GPC5: variants seen among roughly 807,000 people sequenced by gnomAD.
The protein encoded by GPC5 is glypican-5.
In GPC5, 47 loss-of-function variants were observed where a neutral mutation model predicts 53.9. The observed-to-expected ratio is 0.87, with a 90% CI of 0.69 to 1.11. The LOEUF (loss-of-function observed/expected upper bound fraction) is 1.11. Among genes scored for constraint, GPC5 ranks in the 50% most tolerant of loss-of-function variants. GPC5 has a pLI of 0.00. For synonymous variants in GPC5, 286 were observed against 263.3 expected, an observed-to-expected ratio of 1.09 and a Z score of -0.84; for missense variants, 748 against 713.1, an observed-to-expected ratio of 1.05 and a Z score of -0.56.
chr13:92,649,691 A>C (rs1885892144), intron 7 of GPC5, among the ~76,000 whole-genome samples: 1 of 152,138 alleles, frequency 6.6e-6, no homozygotes, highest in Admixed American at 6.6e-5. Context: ...CTGGCCAAGC[A>C]ACCACCTGCC....
At chr13:92,290,706 T>C (rs1187395944) in intron 7 of GPC5, among the ~76,000 whole-genome samples, 2 of 152,182 alleles carry the variant, frequency 1.3e-5, no homozygotes, top group Non-Finnish European at 2.9e-5. Context: ...CATATATACA[T>C]GAGAGGTGAC....
chr13:92,237,407 A>G (rs994011476), intron 7 of GPC5, among the ~76,000 whole-genome samples: 3 of 152,122 alleles, frequency 2.0e-5, no homozygotes. Context: ...TTTAGTAAGG[A>G]TGGGGTTTCA....
chr13:92,152,497 T>A (rs750095203), intron 7 of GPC5, among the ~76,000 whole-genome samples: 2 of 152,296 alleles, frequency 1.3e-5, no homozygotes, highest in South Asian at 2.1e-4. Context: ...GGTAGTTTTT[T>A]AAAAATGCTT....
At chr13:92,853,816 A>T (rs563496417) in intron 7 of GPC5, among the ~76,000 whole-genome samples, 17 of 152,268 alleles carry the variant, frequency 1.1e-4, no homozygotes, top group African/African-American at 4.1e-4. Context: ...CTAGATGAAA[A>T]GGGCCCAGCG....
rs550849854 is a variant in GPC5 at position 92,444,781 on chromosome 13, T to C, written c.1561+299792T>C. 4.2e-5 allele frequency among the ~76,000 whole-genome samples: 6 copies of C among 144,134 alleles called. No individual in the cohort carries two copies. In the East Asian group the frequency reaches 1.2e-3, roughly 29 times the overall value. The allele number at this position is 144,134 out of a possible 152,430, so 94.6% of individuals were successfully genotyped here. A position where few individuals can be genotyped will look rare whatever the true frequency, so the allele number is the denominator to read the frequency against. Reference sequence around the variant, plus strand: ...ATGGGTAGAGAAAGAAAGAAACCATTGAAAGAAACTAGAGGTGAGACCAGT... The same window carrying C: ...ATGGGTAGAGAAAGAAAGAAACCATCGAAAGAAACTAGAGGTGAGACCAGT... On this transcript the variant is annotated intron_variant, in intron 7 of 7. Coordinates refer to ENST00000377067, the MANE Select transcript of GPC5 (RefSeq NM_004466.6).
At chr13:91,903,667 T>C (rs1228725540) in intron 5 of GPC5, among the ~76,000 whole-genome samples, 2 of 152,172 alleles carry the variant, frequency 1.3e-5, no homozygotes, top group Non-Finnish European at 2.9e-5. Context: ...CTTTGCAGTA[T>C]TTTTCCTTAT....
chr13:92,325,831 C>T (rs567212012), intron 7 of GPC5, among the ~76,000 whole-genome samples: 110 of 152,078 alleles, frequency 7.2e-4, no homozygotes, highest in Non-Finnish European at 1.4e-3. Context: ...TCAGTGGTTT[C>T]CTATGAACGA....
intron 7 of GPC5, among the ~76,000 whole-genome samples, chr13:92,209,397 T>C (rs1050058051): frequency 3.3e-5 from 5 of 152,300 alleles, no homozygotes; most frequent in South Asian, 2.1e-4. Flanking sequence ...ATTTAAACCA[T>C]TGGGGTTAAG....
intron 7 of GPC5, among the ~76,000 whole-genome samples, chr13:92,591,614 C>T (rs1209307729): frequency 6.6e-6 from 1 of 152,096 alleles, no homozygotes; most frequent in Non-Finnish European, 1.5e-5. Context: ...TTAACATCCA[C>T]TCTCTTAGCA....
At chr13:92,743,888 T>A (rs915651058) in intron 7 of GPC5, among the ~76,000 whole-genome samples, 1 of 152,174 alleles carries the variant, frequency 6.6e-6, no homozygotes, top group Non-Finnish European at 1.5e-5. Flanking sequence ...GGATTACGTT[T>A]ATTGATTTGC....
chr13:91,868,525 C>CA (rs200958829), intron 5 of GPC5, among the ~76,000 whole-genome samples: 1,764 of 151,924 alleles, frequency 0.012, 19 homozygotes, highest in Middle Eastern at 0.031. Flanking sequence ...GGTAATATAG[C>CA]AAAAAACCCT....
At chr13:92,610,888 G>T (rs1268927856) in intron 7 of GPC5, among the ~76,000 whole-genome samples, 1 of 151,880 alleles carries the variant, frequency 6.6e-6, no homozygotes. Context: ...ATTGACACAT[G>T]GGGGAAAATA....
Position 91,588,149 on chromosome 13 carries a change from G to A in GPC5, c.326-105038G>A, listed in dbSNP as rs76716626. On this transcript the variant is annotated intron_variant, in intron 2 of 7. Transcript: ENST00000377067. ...TCTTTTGGCTGGGAGTTGGAGAGGC[G>A]TCTTTTCATCTACAGGTGATTTGCA... Among the ~76,000 whole-genome samples, 1,155 of 152,176 alleles carry A rather than the reference G, an allele frequency of 7.6e-3. 11 individuals are homozygous for A. Among genetic ancestry groups the A allele is most frequent in the African/African-American group, 0.024 (1,015 of 41,528 alleles).
chr13:91,996,739 T>G (rs2040507188), intron 6 of GPC5, among the ~76,000 whole-genome samples: 1 of 152,214 alleles, frequency 6.6e-6, no homozygotes, highest in African/African-American at 2.4e-5. Context: ...TTTACTTTGA[T>G]CTTTGTTAAT....
intron 7 of GPC5, among the ~76,000 whole-genome samples, chr13:92,450,542 A>T (rs559095952): frequency 6.6e-6 from 1 of 152,216 alleles, no homozygotes; most frequent in East Asian, 1.9e-4. Flanking sequence ...AGGTTTTTGG[A>T]TTGGGGATGT....
intron 7 of GPC5, among the ~76,000 whole-genome samples, chr13:92,740,960 G>GTGTATATATATATATATA (rs35795926): frequency 1.7e-5 from 2 of 117,700 alleles, no homozygotes; most frequent in African/African-American, 6.6e-5. Context: ...ATATGTATGT[G>GTGTATATATATATATATA]TATATATATA....
intron 5 of GPC5, among the ~76,000 whole-genome samples, chr13:91,817,083 T>C (rs2138820707): frequency 6.6e-6 from 1 of 152,312 alleles, no homozygotes; most frequent in African/African-American, 2.4e-5. Flanking sequence ...AATTCTGAAT[T>C]TTAGCTTCAT....
At chr13:92,838,457 T>G (rs1464624864) in intron 7 of GPC5, among the ~76,000 whole-genome samples, 1 of 148,212 alleles carries the variant, frequency 6.7e-6, no homozygotes, top group African/African-American at 2.5e-5. Context: ...CACTCCAGCC[T>G]GGGCTACAGA....
chr13:91,708,341 G>T (rs766126798), intron 3 of GPC5, among the ~76,000 whole-genome samples: 1 of 151,490 alleles, frequency 6.6e-6, no homozygotes, highest in East Asian at 1.9e-4. Context: ...TGTATATGTC[G>T]GAGTCCAGAA....
Sources: allele counts gnomAD v4.1 joint callset (sites outside exome capture counted in the v4.1 genomes callset), GRCh38; gene constraint gnomAD v4.1.1; transcripts MANE v1.5; gene names NCBI Gene and HGNC (gene_info 2026-07-23, HGNC 2026-07-21).